The following RNF217 variants were observed in gnomAD, a reference collection of about 807,000 sequenced individuals.
The protein encoded by RNF217 is ring finger protein 217, also known as E3 ubiquitin-protein ligase RNF217.
A neutral mutation model predicts 57.8 loss-of-function variants in RNF217; 31 were observed. The ratio of observed to expected loss-of-function variants is 0.54; its 90% CI spans 0.40 to 0.72. RNF217 has a LOEUF of 0.72. Among genes scored for constraint, RNF217 ranks in the 30% least tolerant of loss-of-function variants. RNF217 has a pLI of 0.00. For synonymous variants in RNF217, 313 were observed against 294.0 expected (o/e 1.06, Z -0.66); for missense variants, 696 against 708.3 (o/e 0.98, Z 0.20).
chr6:125,034,329 G>A (rs1465250019), intron 1 of RNF217, among the ~76,000 whole-genome samples: 2 of 152,110 alleles, frequency 1.3e-5, no homozygotes, highest in South Asian at 2.1e-4. Context: ...ATGGTTTTAG[G>A]TCTAACATTT....
At position 124,962,730 on chromosome 6, in the gene RNF217, G is replaced by A. The variant is rs886657860; in HGVS notation, c.186G>A (p.Ala62=). 54 of 1,558,972 alleles carry A rather than the reference G, an allele frequency of 3.5e-5. No homozygotes were observed. The African/African-American group carries it at 7.0e-4, about 20-fold the overall frequency. Residue 62 remains alanine, a synonymous_variant, in exon 1 of 6, where the codon GCG becomes GCA. Coordinates refer to ENST00000521654, the MANE Select transcript of RNF217 (RefSeq NM_001286398.3). The surrounding 1 kb of genome is among the most constrained non-coding windows in gnomAD (Gnocchi z 4.6). The part of the protein sequence containing the change: ...GGGCGSDWGC[A]DTSAPEPARS... ...GCTGCGGAAGCGACTGGGGCTGCGC[G>A]GACACCAGCGCCCCAGAGCCCGCGA...
intron 3 of RNF217, among the ~76,000 whole-genome samples, chr6:125,059,739 A>T (rs758353403): frequency 6.6e-6 from 1 of 152,210 alleles, no homozygotes; most frequent in Non-Finnish European, 1.5e-5. Flanking sequence ...GAATTTACTG[A>T]ATGTTCTAAC....
chr6:125,039,340 A>G (rs909597626), intron 1 of RNF217, among the ~76,000 whole-genome samples: 7 of 152,188 alleles, frequency 4.6e-5, no homozygotes, highest in Admixed American at 3.9e-4. Flanking sequence ...ACAAAGATCA[A>G]AAAAGACAAA....
At chr6:125,031,679 A>G (rs1005755653) in intron 1 of RNF217, among the ~76,000 whole-genome samples, 11 of 152,158 alleles carry the variant, frequency 7.2e-5, no homozygotes, top group African/African-American at 2.2e-4. Context: ...TCATATCACT[A>G]TAAGCATTTT....
intron 1 of RNF217, among the ~76,000 whole-genome samples, chr6:124,965,066 T>A (rs1428612389): frequency 1.3e-5 from 2 of 152,240 alleles, no homozygotes; most frequent in African/African-American, 4.8e-5. Context: ...TTTCTTTTTC[T>A]TTATTAAACC....
rs755535913 is a variant in RNF217 at position 125,086,446 on chromosome 6, C to T, written c.*3509C>T. On this transcript the variant is annotated 3_prime_UTR_variant, in exon 6 of 6. Coordinates refer to ENST00000521654, the MANE Select transcript of RNF217 (RefSeq NM_001286398.3). ...CCCAAGCCAAATTGGTGATACTTTT[C>T]GCATTTTTAGTAACACTATCCACTT... The T allele has an allele frequency of 5.3e-5, 8 of 152,070 alleles. No individual in the cohort carries two copies. Among genetic ancestry groups the T allele is most frequent in the African/African-American group, 9.6e-5 (4 of 41,506 alleles). 9.4% of individuals were successfully genotyped at this position (152,070 alleles called of 1,614,324 possible). A position where few individuals can be genotyped will look rare whatever the true frequency, so the allele number is the denominator to read the frequency against.
chr6:124,988,180 T>A (rs1373884297), intron 1 of RNF217, among the ~76,000 whole-genome samples: 3 of 152,156 alleles, frequency 2.0e-5, no homozygotes, highest in Non-Finnish European at 4.4e-5. Context: ...TGCCTGATGA[T>A]CTGAAATGGA....
intron 2 of RNF217, among the ~76,000 whole-genome samples, chr6:125,048,562 C>T (rs1415914617): frequency 6.6e-6 from 1 of 152,024 alleles, no homozygotes; most frequent in Non-Finnish European, 1.5e-5. Flanking sequence ...TTCACAGTAT[C>T]TTCATCCAAG....
chr6:124,968,675 A>C (rs1783643383), intron 1 of RNF217, among the ~76,000 whole-genome samples: 1 of 152,164 alleles, frequency 6.6e-6, no homozygotes, highest in Admixed American at 6.5e-5. Flanking sequence ...ATAACATTAC[A>C]AGTACTGCTG....
intron 3 of RNF217, among the ~76,000 whole-genome samples, chr6:125,060,699 C>G (rs904786409): frequency 1.3e-5 from 2 of 152,082 alleles, no homozygotes; most frequent in Non-Finnish European, 2.9e-5. Context: ...CCCGCCTCAG[C>G]CTCCCAAAGT....
chr6:124,981,392 G>A (rs1784154270), intron 1 of RNF217, among the ~76,000 whole-genome samples: 2 of 152,148 alleles, frequency 1.3e-5, no homozygotes, highest in African/African-American at 4.8e-5. Flanking sequence ...GGTGGTCGGG[G>A]TACAGCTTGC....
In RNF217 at chr6:124,963,065, C is replaced by T. The variant is rs188297803; in HGVS notation, c.521C>T (p.Pro174Leu). The T allele has an allele frequency of 7.2e-4, 1,127 of 1,562,332 alleles. 4 individuals carry two copies. The African/African-American group carries it at 0.013, about 18-fold the overall frequency. ...CSVYCVESDLPEAPASEQLSP... is the reference protein window; with the variant it reads ...CSVYCVESDLLEAPASEQLSP... ...GTGTACTGCGTGGAGAGCGACCTGCCCGAGGCCCCCGCCTCGGAGCAGCTC... is the reference window on the plus strand; with the variant it reads ...GTGTACTGCGTGGAGAGCGACCTGCTCGAGGCCCCCGCCTCGGAGCAGCTC... Residue 174 changes from proline to leucine, a missense_variant, in exon 1 of 6, where the codon CCC (proline) becomes CTC (leucine). By Grantham distance (98) the Pro-to-Leu change is moderately conservative. Around this residue, in one of 2 missense-constraint regions of RNF217, gnomAD observed 465 missense variants for 386.8 expected, o/e 1.20. Transcript: ENST00000521654.
chr6:125,038,642 A>G (rs1382058917), intron 1 of RNF217, among the ~76,000 whole-genome samples: 1 of 152,120 alleles, frequency 6.6e-6, no homozygotes, highest in Non-Finnish European at 1.5e-5. Context: ...TAAATATTAA[A>G]TGAATTAATA....
chr6:124,993,703 G>C (rs961888080), intron 1 of RNF217, among the ~76,000 whole-genome samples: 1 of 152,202 alleles, frequency 6.6e-6, no homozygotes, highest in Non-Finnish European at 1.5e-5. Context: ...AGGAAGGCCG[G>C]GTAGGCCAGC....
At chr6:125,021,526 A>G (rs939404866) in intron 1 of RNF217, among the ~76,000 whole-genome samples, 1 of 152,078 alleles carries the variant, frequency 6.6e-6, no homozygotes, top group Admixed American at 6.5e-5. Context: ...CGGCCTCCCA[A>G]AGTGCTGGGA....
chr6:125,079,489 A>G (rs1159259012), intron 4 of RNF217, among the ~76,000 whole-genome samples: 1 of 152,042 alleles, frequency 6.6e-6, no homozygotes, highest in Non-Finnish European at 1.5e-5. Context: ...AAATACAAAT[A>G]GCCAATACAT....
intron 1 of RNF217, among the ~76,000 whole-genome samples, chr6:125,029,516 A>G (rs1375175967): frequency 6.6e-6 from 1 of 152,150 alleles, no homozygotes; most frequent in African/African-American, 2.4e-5. Flanking sequence ...ATGGTGCACA[A>G]AGATACTTTG....
At chr6:124,976,047 G>A (rs1480350395) in intron 1 of RNF217, among the ~76,000 whole-genome samples, 4 of 152,074 alleles carry the variant, frequency 2.6e-5, no homozygotes, top group Admixed American at 2.6e-4. Flanking sequence ...TCAAGTGTTG[G>A]TGCTTTATGT....
intron 1 of RNF217, among the ~76,000 whole-genome samples, chr6:125,038,415 C>T (rs1786737161): frequency 6.6e-6 from 1 of 151,980 alleles, no homozygotes; most frequent in Admixed American, 6.6e-5. Context: ...TTTTTAGCCC[C>T]ATACTGAAAT....
Sources: gnomAD v4.1 joint callset for allele counts (sites outside exome capture counted in the v4.1 genomes callset) on GRCh38, gnomAD v4.1.1 for gene constraint, gnomAD v4.1.1 regional missense constraint, Gnocchi (gnomAD v3.1) non-coding constraint, MANE v1.5 for transcripts, NCBI Gene and HGNC (gene_info 2026-07-23, HGNC 2026-07-21) for gene names.